KIAA1217: variants seen among roughly 807,000 people sequenced by gnomAD.
KIAA1217 encodes the protein sickle tail protein homolog.
KIAA1217 carries 88 observed loss-of-function variants against 163.9 expected under a neutral mutation model. That is an observed-to-expected ratio of 0.54 (90% CI 0.45 to 0.64). The LOEUF is 0.64. KIAA1217 is among the 30% of genes least tolerant of loss of function. The pLI, the probability that KIAA1217 is intolerant of heterozygous loss-of-function variation, is 0.00. For missense variants in KIAA1217, 2,372 were observed against 2,475.0 expected (o/e 0.96, Z 0.88); for synonymous variants, 903 against 923.1 (o/e 0.98, Z 0.39).
intron 1 of KIAA1217, among the ~76,000 whole-genome samples, chr10:23,719,103 C>G (rs909408388): frequency 1.3e-5 from 2 of 152,124 alleles, no homozygotes; most frequent in East Asian, 3.9e-4. Flanking sequence ...CATGTATACA[C>G]TACATGTTCA....
chr10:23,904,952 ATCT>A (rs906319927), intron 1 of KIAA1217, among the ~76,000 whole-genome samples: 2 of 150,234 alleles, frequency 1.3e-5, no homozygotes, highest in Non-Finnish European at 3.0e-5. Context: ...CTAATTCTAA[ATCT>A]TCTTTTTTTT....
In KIAA1217 at chr10:24,520,204, C is replaced by T. The variant is rs1271957545; in HGVS notation, c.2259C>T (p.Asp753=). The T allele has an allele frequency of 6.2e-7, 1 of 1,614,136 alleles. No homozygotes were observed. Among genetic ancestry groups the T allele is most frequent in the Non-Finnish European group, 8.5e-7 (1 of 1,180,010 alleles). ...SRLVTLKDVE[D]GAFLLRQVGE... is the part of the protein sequence containing the mutation. The stretch of plus-strand genomic sequence containing the variant: ...TGGTTACTCTGAAAGACGTGGAAGA[C>T]GGGGCTTTCCTCCTGCGTCAAGTGG... Residue 753 remains aspartate (D), a synonymous_variant, in exon 11 of 21, where the codon GAC becomes GAT. Coordinates refer to ENST00000376454, the MANE Select transcript of KIAA1217 (RefSeq NM_019590.5).
At chr10:24,223,556 G>A (rs2069969015) in intron 2 of KIAA1217, among the ~76,000 whole-genome samples, 4 of 152,094 alleles carry the variant, frequency 2.6e-5, no homozygotes, top group Admixed American at 2.6e-4. Context: ...AGATACTGAG[G>A]CTCTTAATAC....
intron 2 of KIAA1217, among the ~76,000 whole-genome samples, chr10:24,267,433 G>C (rs1220647764): frequency 1.3e-5 from 2 of 152,206 alleles, no homozygotes; most frequent in Non-Finnish European, 2.9e-5. Context: ...AAAACGGAAA[G>C]AGCTATCCAT....
chr10:23,716,641 A>G (rs924962731), intron 1 of KIAA1217, among the ~76,000 whole-genome samples: 1 of 152,184 alleles, frequency 6.6e-6, no homozygotes, highest in African/African-American at 2.4e-5. Flanking sequence ...CTGAACACAC[A>G]GAAGACTGGG....
In KIAA1217 at chr10:24,173,686, A is replaced by G. The variant is rs185332710; in HGVS notation, c.-170-45940A>G. ...GACACTCAAAGTAGAAACTGATTCTAAAACTGGAATTGTTCCTCAATAATT... is the reference window on the plus strand; with the variant it reads ...GACACTCAAAGTAGAAACTGATTCTGAAACTGGAATTGTTCCTCAATAATT... On this transcript the variant is annotated intron_variant, in intron 2 of 18. Transcript: ENST00000376462. 2.8e-3 allele frequency among the ~76,000 whole-genome samples: 425 copies of G among 152,362 alleles called. 1 individual carries two copies. The highest frequency in any genetic ancestry group is 3.5e-3 in the Non-Finnish European group (236 of 68,020).
chr10:24,251,400 C>CAAAAAAA (rs55668887), intron 2 of KIAA1217, among the ~76,000 whole-genome samples: 3 of 90,526 alleles, frequency 3.3e-5, no homozygotes, highest in African/African-American at 4.2e-5. Context: ...GACACTGTCT[C>CAAAAAAA]AAAAAAAAAA....
At chr10:24,312,253 C>A in intron 2 of KIAA1217, among the ~76,000 whole-genome samples, 1 of 151,500 alleles carries the variant, frequency 6.6e-6, no homozygotes, top group Non-Finnish European at 1.5e-5. Flanking sequence ...TGGCCGGAAG[C>A]CTCAATGTGT....
rs1049275447 is a variant in KIAA1217 at position 24,007,537 on chromosome 10, G to A, written c.-171+163G>A. ...AATTGAACCCTGCAATCTTCCCACA[G>A]GTATTTGTTCTGATATGTAGCTGCT... On this transcript the variant is annotated intron_variant, in intron 2 of 18. Coordinates refer to the KIAA1217 transcript ENST00000376462. 2.8e-4 allele frequency among the ~76,000 whole-genome samples: 42 copies of A among 152,126 alleles called. 1 individual carries two copies. The highest frequency in any genetic ancestry group is 7.4e-5 in the Non-Finnish European group (5 of 68,022).
At chr10:24,056,565 G>A (rs540250783) in intron 2 of KIAA1217, among the ~76,000 whole-genome samples, 4 of 152,184 alleles carry the variant, frequency 2.6e-5, no homozygotes, top group Non-Finnish European at 4.4e-5. Context: ...AATTTTTCCA[G>A]TTTGACCATG....
chr10:24,322,723 C>T (rs1463643694), intron 2 of KIAA1217, among the ~76,000 whole-genome samples: 1 of 152,190 alleles, frequency 6.6e-6, no homozygotes, highest in Non-Finnish European at 1.5e-5. Flanking sequence ...AGCCCCATCT[C>T]TATTCTGCGT....
chr10:24,476,185 G>A (rs2064016163), intron 6 of KIAA1217, among the ~76,000 whole-genome samples: 1 of 152,204 alleles, frequency 6.6e-6, no homozygotes, highest in African/African-American at 2.4e-5. Context: ...CAAAGATGGT[G>A]TCTGCCTTCT....
At chr10:24,491,174 C>T (rs544547974) in intron 6 of KIAA1217, among the ~76,000 whole-genome samples, 2 of 151,058 alleles carry the variant, frequency 1.3e-5, no homozygotes, top group South Asian at 2.1e-4. Flanking sequence ...GTGTAGATGA[C>T]GTGGTCTGTG....
intron 14 of KIAA1217, among the ~76,000 whole-genome samples, chr10:24,528,322 G>GTTTT (rs374557035): frequency 7.4e-6 from 1 of 134,490 alleles, no homozygotes; most frequent in Non-Finnish European, 1.6e-5. Flanking sequence ...TTTTTTTTTT[G>GTTTT]TTTTTTTTTT....
At chr10:24,369,936 A>G (rs2051336797) in intron 2 of KIAA1217, among the ~76,000 whole-genome samples, 1 of 152,202 alleles carries the variant, frequency 6.6e-6, no homozygotes, top group Non-Finnish European at 1.5e-5. Context: ...AGAAAGAATA[A>G]ATTAATTGTT....
chr10:23,984,021 T>C (rs1045211226), intron 1 of KIAA1217, among the ~76,000 whole-genome samples: 1 of 152,200 alleles, frequency 6.6e-6, no homozygotes, highest in Non-Finnish European at 1.5e-5. Flanking sequence ...AGGTTAAGAC[T>C]GGGAGGTACA....
chr10:24,022,990 G>C (rs766306396), intron 2 of KIAA1217, among the ~76,000 whole-genome samples: 1 of 150,564 alleles, frequency 6.6e-6, no homozygotes, highest in Non-Finnish European at 1.5e-5. Context: ...GTGAAATATT[G>C]AAGGAATTCT....
chr10:24,407,977 C>CA (rs1255725855), intron 3 of KIAA1217, among the ~76,000 whole-genome samples: 1 of 152,120 alleles, frequency 6.6e-6, no homozygotes, highest in African/African-American at 2.4e-5. Context: ...GGTCTAGGTT[C>CA]ATCTTGAGCA....
intron 2 of KIAA1217, chr10:24,158,262 A>C (rs1288365782): frequency 1.4e-6 from 1 of 720,162 alleles, no homozygotes; most frequent in Non-Finnish European, 2.6e-6. Flanking sequence ...TCGGTCAGTC[A>C]TGAAAGATGA....
Sources: gnomAD v4.1 joint callset for allele counts (sites outside exome capture counted in the v4.1 genomes callset) on GRCh38, gnomAD v4.1.1 for gene constraint, MANE v1.5 for transcripts, NCBI Gene and HGNC (gene_info 2026-07-23, HGNC 2026-07-21) for gene names.